The following XKR9 variants were observed in gnomAD, a reference collection of about 807,000 sequenced individuals.
The protein encoded by XKR9 is XK-related protein 9.
XKR9 carries 32 observed loss-of-function variants against 32.0 expected under a neutral mutation model. The ratio of observed to expected loss-of-function variants is 1.00; its 90% CI spans 0.76 to 1.34. The LOEUF (loss-of-function observed/expected upper bound fraction) is 1.34, where lower values mean the gene tolerates loss of function less well. XKR9 is among the 40% of genes most tolerant of loss of function. XKR9 has a pLI of 0.00. For missense variants in XKR9, 546 were observed against 429.7 expected (o/e 1.27, Z -2.39); for synonymous variants, 168 against 143.4 (o/e 1.17, Z -1.22).
At chr8:70,896,114 A>G in the XKR9 span, among the ~76,000 whole-genome samples, 1 of 152,074 alleles carries the variant, frequency 6.6e-6, no homozygotes, top group Non-Finnish European at 1.5e-5. Flanking sequence ...CAATTTACTC[A>G]TGTTTTGTTG....
chr8:70,812,740 A>G, the XKR9 span, among the ~76,000 whole-genome samples: 2 of 152,158 alleles, frequency 1.3e-5, no homozygotes, highest in Admixed American at 6.5e-5. Context: ...CACAAGGGAT[A>G]TGAAGGACCT....
the XKR9 span, among the ~76,000 whole-genome samples, chr8:71,005,961 A>G: frequency 6.6e-6 from 1 of 152,254 alleles, no homozygotes; most frequent in African/African-American, 2.4e-5. Context: ...GACTTTCTAA[A>G]GAAGATAGTG....
In XKR9 at chr8:70,671,962, A is replaced by G. The variant is rs1436079258; in HGVS notation, c.-361+2424A>G. Among the ~76,000 whole-genome samples, 6 of 62,126 alleles carry G rather than the reference A, an allele frequency of 9.7e-5. 1 individual carries two copies. Among genetic ancestry groups the G allele is most frequent in the South Asian group, 4.2e-4 (1 of 2,408 alleles). The allele number at this position is 62,126 out of a possible 152,430, so 40.8% of individuals were successfully genotyped here. A position where few individuals can be genotyped will look rare whatever the true frequency, so the allele number is the denominator to read the frequency against. On this transcript the variant is annotated intron_variant, in intron 1 of 4. Transcript: ENST00000408926. ...AGAGCCAAATCATGGGTGAACTCCCATTCACAATTGCTTCAAAGAGAATAA... is the reference window on the plus strand; with the variant it reads ...AGAGCCAAATCATGGGTGAACTCCCGTTCACAATTGCTTCAAAGAGAATAA...
At chr8:70,702,265 C>A (rs144278980) in intron 3 of XKR9, among the ~76,000 whole-genome samples, 3 of 152,242 alleles carry the variant, frequency 2.0e-5, no homozygotes, top group Non-Finnish European at 4.4e-5. Context: ...ATTGATTTCT[C>A]ACTTAAATTT....
chr8:70,873,069 A>G, the XKR9 span, among the ~76,000 whole-genome samples: 1 of 152,330 alleles, frequency 6.6e-6, no homozygotes, highest in South Asian at 2.1e-4. Flanking sequence ...ATGGAAGAGC[A>G]AAGTCTGGAT....
At chr8:70,833,420 G>A in the XKR9 span, among the ~76,000 whole-genome samples, 1 of 151,942 alleles carries the variant, frequency 6.6e-6, no homozygotes, top group Non-Finnish European at 1.5e-5. Context: ...ACATTATACA[G>A]GATATATTAC....
At chr8:70,870,771 A>AT in the XKR9 span, among the ~76,000 whole-genome samples, 6 of 152,318 alleles carry the variant, frequency 3.9e-5, no homozygotes, top group South Asian at 8.3e-4. Flanking sequence ...TTCCAGTCCT[A>AT]TGAAAAGATC....
At chr8:71,064,612 T>C in the XKR9 span, among the ~76,000 whole-genome samples, 1 of 152,246 alleles carries the variant, frequency 6.6e-6, no homozygotes, top group Non-Finnish European at 1.5e-5. Flanking sequence ...TTGTTCAAAA[T>C]ACATGTGCTT....
the XKR9 span, among the ~76,000 whole-genome samples, chr8:70,835,602 A>T: frequency 2.6e-5 from 4 of 152,106 alleles, no homozygotes; most frequent in Non-Finnish European, 5.9e-5. Context: ...AGGATCTAGG[A>T]AGAGAAAAGA....
chr8:70,829,854 T>G, the XKR9 span, among the ~76,000 whole-genome samples: 1 of 152,230 alleles, frequency 6.6e-6, no homozygotes, highest in South Asian at 2.1e-4. Flanking sequence ...TTGAATCTTT[T>G]CTAAGTAATG....
chr8:70,681,400 A>G (rs1819079190), intron 3 of XKR9, 70 bp downstream of exon 3: 1 of 1,519,762 alleles, frequency 6.6e-7, no homozygotes, highest in Non-Finnish European at 8.8e-7. Flanking sequence ...TTTGTATCTT[A>G]TCTGGGTAGT....
At chr8:70,772,935 T>C (rs954352333) in intron 2 of XKR9, among the ~76,000 whole-genome samples, 34 of 152,192 alleles carry the variant, frequency 2.2e-4, no homozygotes, top group African/African-American at 8.2e-4. Context: ...TCGAAAAGTG[T>C]TTTGAACATT....
the XKR9 span, among the ~76,000 whole-genome samples, chr8:71,028,040 C>T: frequency 6.6e-6 from 1 of 152,264 alleles, no homozygotes; most frequent in East Asian, 1.9e-4. Flanking sequence ...TTCCAAAGTA[C>T]TGGGATTATA....
At chr8:70,975,418 A>G in the XKR9 span, among the ~76,000 whole-genome samples, 2 of 152,228 alleles carry the variant, frequency 1.3e-5, no homozygotes, top group African/African-American at 2.4e-5. Flanking sequence ...TGTCTTTTGT[A>G]TAAGGTGTAA....
Position 70,734,497 on chromosome 8 carries a change from G to T in XKR9, c.*73G>T. ...AGTAAAGAAAATGTGTGTTATGTGG[G>T]TGTGTTGTCTCTTATTTTTGCCACC... On this transcript the variant is annotated 3_prime_UTR_variant, in exon 5 of 5. Transcript: ENST00000408926. The T allele has an allele frequency of 2.1e-6, 3 of 1,401,460 alleles. No homozygotes were observed. The South Asian group carries it at 5.2e-5, about 25-fold the overall frequency. 86.8% of individuals were successfully genotyped at this position (1,401,460 alleles called of 1,614,324 possible). A position where few individuals can be genotyped will look rare whatever the true frequency, so the allele number is the denominator to read the frequency against.
the XKR9 span, among the ~76,000 whole-genome samples, chr8:70,886,905 C>T: frequency 6.6e-6 from 1 of 152,070 alleles, no homozygotes; most frequent in Non-Finnish European, 1.5e-5. Context: ...TCCCGTTTGT[C>T]AATTTTGGCT....
At chr8:70,730,577 AT>A (rs544515803) in intron 4 of XKR9, among the ~76,000 whole-genome samples, 60 of 132,984 alleles carry the variant, frequency 4.5e-4, no homozygotes, top group Middle Eastern at 4.0e-3. Flanking sequence ...GATGGTAAGC[AT>A]TTTTTTTTTA....
the XKR9 span, among the ~76,000 whole-genome samples, chr8:71,047,407 A>G: frequency 3.7e-4 from 56 of 152,318 alleles, no homozygotes; most frequent in African/African-American, 1.3e-3. Flanking sequence ...TTGCATCACA[A>G]TATGTATTTA....
At chr8:71,049,867 G>A in the XKR9 span, among the ~76,000 whole-genome samples, 1 of 152,184 alleles carries the variant, frequency 6.6e-6, no homozygotes, top group African/African-American at 2.4e-5. Flanking sequence ...TATATACACA[G>A]AGGAGAGTAG....
Sources: gnomAD v4.1 joint callset for allele counts (sites outside exome capture counted in the v4.1 genomes callset) on GRCh38, gnomAD v4.1.1 for gene constraint, MANE v1.5 for transcripts, NCBI Gene and HGNC (gene_info 2026-07-23, HGNC 2026-07-21) for gene names.